EDAR: variants seen among roughly 807,000 people sequenced by gnomAD.
EDAR encodes tumor necrosis factor receptor superfamily member EDAR.
In EDAR, 38 loss-of-function variants were observed where a neutral mutation model predicts 51.3. The ratio of observed to expected loss-of-function variants is 0.74; its 90% confidence interval spans 0.57 to 0.97. The LOEUF (loss-of-function observed/expected upper bound fraction) is 0.97. Ranked by LOEUF, EDAR falls within the 50% of genes least tolerant of loss-of-function variation. The pLI is 0.00. For missense variants in EDAR, 528 were observed against 595.0 expected (o/e 0.89, Z 1.17); for synonymous variants, 227 against 242.1 (o/e 0.94, Z 0.58).
intron 6 of EDAR, among the ~76,000 whole-genome samples, chr2:108,911,331 G>A (rs1162015890): frequency 6.6e-6 from 1 of 152,174 alleles, no homozygotes; most frequent in East Asian, 1.9e-4. Context: ...ATTGTTCCTA[G>A]GGAGTTTGCT....
At position 108,951,734 on chromosome 2, in the gene EDAR, C is replaced by T. The variant is rs115844076; in HGVS notation, c.-18-20702G>A. Among the ~76,000 whole-genome samples the T allele has an allele frequency of 1.3e-3, 193 of 152,086 alleles. 2 individuals carry two copies. The highest frequency in any genetic ancestry group is 3.7e-3 in the South Asian group (18 of 4,808). ...CATTCTAAAGGTTCTTCCATTTCTG[C>T]GAGTCCACGAGGTTCTCTTAGATCT... On this transcript the variant is annotated intron_variant, in intron 1 of 11. Coordinates refer to ENST00000258443, the MANE Select transcript of EDAR (RefSeq NM_022336.4).
intron 1 of EDAR, among the ~76,000 whole-genome samples, chr2:108,943,906 T>G (rs909469385): frequency 1.3e-5 from 2 of 152,176 alleles, no homozygotes; most frequent in Non-Finnish European, 2.9e-5. Flanking sequence ...CCACTGCACC[T>G]CAGTTACGTT....
At chr2:108,920,974 C>A (rs1697125253) in intron 5 of EDAR, among the ~76,000 whole-genome samples, 1 of 152,112 alleles carries the variant, frequency 6.6e-6, no homozygotes, top group South Asian at 2.1e-4. Context: ...AGGCTCATAA[C>A]CTACCGTAGT....
chr2:108,974,845 C>T (rs1698294780), intron 1 of EDAR, among the ~76,000 whole-genome samples: 1 of 152,200 alleles, frequency 6.6e-6, no homozygotes, highest in South Asian at 2.1e-4. Context: ...TAGCTCTTCC[C>T]ACCACCCCGA....
rs149722393 is a variant in EDAR at position 108,959,642 on chromosome 2, G to C, written c.-18-28610C>G. Among the ~76,000 whole-genome samples the C allele has an allele frequency of 4.5e-3, 679 of 152,268 alleles. 2 individuals are homozygous for C. Among genetic ancestry groups the C allele is most frequent in the African/African-American group, 0.016 (651 of 41,560 alleles). On this transcript the variant is annotated intron_variant, in intron 1 of 11. Transcript: ENST00000258443. ...TCCAGCCAGGCCAGTGCCGGCTGTG[G>C]CATGCGCCCTGGGACTCAGCTCTGG...
Position 108,937,544 on chromosome 2 carries a change from AGT to A in EDAR, c.-18-6514_-18-6513del, listed in dbSNP as rs200993009. ...AAGTGTAGGTGAGTGTATGTGTGTG[AGT>A]GTGTGAATGTTATGTGTGTGTGTAT... is the stretch of plus-strand genomic sequence containing the variant. On this transcript the variant is annotated intron_variant, in intron 1 of 11. Coordinates refer to ENST00000258443, the MANE Select transcript of EDAR (RefSeq NM_022336.4). Among the ~76,000 whole-genome samples the A allele has an allele frequency of 9.2e-3, 1,392 of 151,270 alleles. 23 individuals are homozygous for A. Among genetic ancestry groups the A allele is most frequent in the African/African-American group, 0.031 (1,287 of 41,142 alleles).
intron 1 of EDAR, among the ~76,000 whole-genome samples, chr2:108,941,002 C>T (rs907652951): frequency 7.2e-5 from 11 of 152,312 alleles, no homozygotes; most frequent in South Asian, 2.1e-4. Flanking sequence ...GCATCTCTTG[C>T]GCCCTTGATC....
At chr2:108,934,880 G>A (rs1477377990) in intron 1 of EDAR, among the ~76,000 whole-genome samples, 1 of 152,158 alleles carries the variant, frequency 6.6e-6, no homozygotes, top group African/African-American at 2.4e-5. Context: ...CCAAAGCAGC[G>A]TGGAAATGTC....
chr2:108,912,601 C>A, intron 6 of EDAR, 77 bp downstream of exon 6: 1 of 1,353,612 alleles, frequency 7.4e-7, no homozygotes, highest in South Asian at 1.2e-5. Context: ...CACTCATGAT[C>A]ATTTCCTCTC....
intron 8 of EDAR, 101 bp downstream of exon 8, chr2:108,910,675 G>C (rs1558801782): frequency 1.4e-6 from 2 of 1,450,928 alleles, no homozygotes; most frequent in East Asian, 4.6e-5. Flanking sequence ...GTATGGTTCA[G>C]CATGTGAGAG....
intron 1 of EDAR, among the ~76,000 whole-genome samples, chr2:108,937,275 G>C (rs952240431): frequency 6.6e-6 from 1 of 152,182 alleles, no homozygotes. Context: ...GGGGCAAACT[G>C]ACCTTTGGCA....
At chr2:108,965,291 C>T (rs1435910499) in intron 1 of EDAR, among the ~76,000 whole-genome samples, 1 of 152,062 alleles carries the variant, frequency 6.6e-6, no homozygotes, top group African/African-American at 2.4e-5. Flanking sequence ...TCCTGGCTAA[C>T]ATGGTGAAAC....
intron 11 of EDAR, among the ~76,000 whole-genome samples, chr2:108,902,795 A>G (rs1342092059): frequency 6.6e-6 from 1 of 152,250 alleles, no homozygotes; most frequent in African/African-American, 2.4e-5. Flanking sequence ...AGCTAATATT[A>G]TACTTAATGG....
chr2:108,931,141 G>A lies in EDAR; in HGVS notation c.-18-109C>T, dbSNP rs76090664. On this transcript the variant is annotated intron_variant, in intron 1 of 11. Coordinates refer to ENST00000258443, the MANE Select transcript of EDAR (RefSeq NM_022336.4). ...ATAAGGTGCCTTCCAGCAAACAGAG[G>A]GGAAACTATACATCCTAAAAGAAAA... is the stretch of plus-strand genomic sequence containing the variant. 0.016 allele frequency: 13,497 copies of A among 861,108 alleles called. 163 individuals are homozygous for A. The highest frequency in any genetic ancestry group is 0.02 in the Non-Finnish European group (10,233 of 510,946). The allele number at this position is 861,108 out of a possible 1,614,324, so 53.3% of individuals were successfully genotyped here.
chr2:108,912,971 C>T lies in EDAR; in HGVS notation c.443-207G>A, dbSNP rs1420515137. Among the ~76,000 whole-genome samples the T allele has an allele frequency of 7.6e-5, 11 of 144,674 alleles. No homozygotes were observed. In the South Asian group the frequency reaches 8.8e-4, roughly 12 times the overall value. The allele number at this position is 144,674 out of a possible 152,430, so 94.9% of individuals were successfully genotyped here. On this transcript the variant is annotated intron_variant, in intron 5 of 11. Coordinates refer to ENST00000258443, the MANE Select transcript of EDAR (RefSeq NM_022336.4). Reference sequence around the variant, plus strand: ...TTCTTTTTTTTTTTTTTTGGTGAGACGGAGTCTTGCTCTGTTGCCCAGGCT... The same window carrying T: ...TTCTTTTTTTTTTTTTTTGGTGAGATGGAGTCTTGCTCTGTTGCCCAGGCT...
chr2:108,974,854 G>A (rs954511695), intron 1 of EDAR, among the ~76,000 whole-genome samples: 2 of 152,124 alleles, frequency 1.3e-5, no homozygotes, highest in African/African-American at 2.4e-5. Flanking sequence ...CCACCACCCC[G>A]AGCTGCCTCA....
intron 2 of EDAR, among the ~76,000 whole-genome samples, 187 bp from the exon 3 acceptor site, chr2:108,930,429 C>T (rs913341814): frequency 2.0e-5 from 3 of 152,052 alleles, no homozygotes; most frequent in Non-Finnish European, 4.4e-5. Flanking sequence ...CCTGGTTGAT[C>T]ACCTGGGCAC....
chr2:108,908,446 G>A (rs538346911), intron 9 of EDAR, among the ~76,000 whole-genome samples: 3 of 152,302 alleles, frequency 2.0e-5, no homozygotes, highest in South Asian at 2.1e-4. Context: ...TGCAGCTGGC[G>A]CTGAATCCAT....
Position 108,910,917 on chromosome 2 carries a change from A to G in EDAR, c.655+30T>C, listed in dbSNP as rs260630. ...GGGGGAGTTGACGGAGAGTCCAGGAAGCAGGGCACCGGCGCATGGGGGCCG... is the reference window on the plus strand; with the variant it reads ...GGGGGAGTTGACGGAGAGTCCAGGAGGCAGGGCACCGGCGCATGGGGGCCG... On this transcript the variant is annotated intron_variant, in intron 7 of 11. Coordinates refer to ENST00000258443, the MANE Select transcript of EDAR (RefSeq NM_022336.4). 1,466,247 of 1,613,928 alleles carry G rather than the reference A, an allele frequency of 0.91. 666,437 individuals carry two copies. Among genetic ancestry groups the G allele is most frequent in the East Asian group, 1 (44,795 of 44,852 alleles).
Sources: allele counts gnomAD v4.1 joint callset (sites outside exome capture counted in the v4.1 genomes callset), GRCh38; gene constraint gnomAD v4.1.1; transcripts MANE v1.5; gene names NCBI Gene and HGNC (gene_info 2026-07-23, HGNC 2026-07-21).